SLC35G5: variants seen among roughly 807,000 people sequenced by gnomAD.
SLC35G5 encodes the protein acyl-malonyl condensing enzyme 1-like 2.
A neutral mutation model predicts 17.6 loss-of-function variants in SLC35G5; 14 were observed. That is an observed-to-expected ratio of 0.79 (90% CI 0.52 to 1.24). SLC35G5 has a LOEUF of 1.24. Among genes scored for constraint, SLC35G5 ranks in the 50% most tolerant of loss-of-function variants. The pLI is 0.00. For synonymous variants in SLC35G5, 236 were observed against 194.9 expected, an observed-to-expected ratio of 1.21 and a Z score of -1.76; for missense variants, 541 against 430.3, an observed-to-expected ratio of 1.26 and a Z score of -2.28.
rs560493610 is a variant in SLC35G5 at position 11,332,029 on chromosome 8, C to T, written c.923C>T (p.Ser308Phe). ...ATGCTCCATGAGACTGTGGCACTTT[C>T]TGACATCATGGGGGCAGGGGTTGTG... ...YYMLHETVAL[S>F]DIMGAGVVLG... is the part of the protein sequence containing the mutation. Residue 308 changes from serine (S) to phenylalanine (F), a missense_variant, in exon 1 of 1, where the codon TCT becomes TTT. Transcript: ENST00000382435. 3.1e-6 allele frequency: 5 copies of T among 1,611,758 alleles called. No homozygotes were observed. Among genetic ancestry groups the T allele is most frequent in the Non-Finnish European group, 4.2e-6 (5 of 1,179,824 alleles).
chr8:11,331,644 C>G lies in SLC35G5; in HGVS notation c.538C>G (p.Leu180Val). ...CATTCTGGGACCTGGACTCTGGACA[C>G]TACAGGAGGGGACCACAGGTGTCTA... ...IIILGPGLWT[L>V]QEGTTGVYTT... Residue 180 changes from leucine (L) to valine (V), a missense_variant, in exon 1 of 1, where the codon CTA becomes GTA. Leu to Val is a conservative substitution (Grantham distance 32). Transcript: ENST00000382435. 1.2e-6 allele frequency: 2 copies of G among 1,612,216 alleles called. No individual in the cohort carries two copies. The highest frequency in any genetic ancestry group is 2.0e-4 in the Middle Eastern group (1 of 4,958).
Position 11,331,666 on chromosome 8 carries a change from T to A in SLC35G5, c.560T>A (p.Val187Asp). 1.2e-6 allele frequency: 2 copies of A among 1,612,150 alleles called. No individual in the cohort carries two copies. The highest frequency in any genetic ancestry group is 1.7e-6 in the Non-Finnish European group (2 of 1,179,844). ...LWTLQEGTTG[V>D]YTTLGYVQAF... is the part of the protein sequence containing the mutation. ...ACACTACAGGAGGGGACCACAGGTG[T>A]CTACACCACCCTGGGCTATGTGCAG... Residue 187 changes from valine to aspartate, a missense_variant, in exon 1 of 1, where the codon GTC becomes GAC. Coordinates refer to ENST00000382435, the MANE Select transcript of SLC35G5 (RefSeq NM_054028.2).
chr8:11,331,815 G>C lies in SLC35G5; in HGVS notation c.709G>C (p.Gly237Arg). ...GGTGGGGCTGCTGGGCTGTGTGCCAGGCCTCTTTGTGCTGCAGACCCCCGT... is the reference window on the plus strand; with the variant it reads ...GGTGGGGCTGCTGGGCTGTGTGCCACGCCTCTTTGTGCTGCAGACCCCCGT... ...GLVGLLGCVP[G>R]LFVLQTPVLP... Residue 237 changes from glycine (G) to arginine (R), a missense_variant, in exon 1 of 1, where the codon GGC becomes CGC. Physicochemically the swap from Gly to Arg is moderately radical, Grantham distance 125. Transcript: ENST00000382435. 1 of 1,611,854 alleles carries C rather than the reference G, an allele frequency of 6.2e-7. No individual in the cohort carries two copies. Among genetic ancestry groups the C allele is most frequent in the Non-Finnish European group, 8.5e-7 (1 of 1,179,766 alleles).
rs1274723950 is a variant in SLC35G5 at position 11,331,284 on chromosome 8, A to G, written c.178A>G (p.Met60Val). ...PAGFVGPLSR[M>V]AYQGSNLPSL... is the part of the protein sequence containing the mutation. ...TGGCTTCGTGGGCCCCCTTTCTCGT[A>G]TGGCTTACCAGGGTTCCAACCTGCC... Residue 60 changes from methionine (M) to valine (V), a missense_variant, in exon 1 of 1, where the codon ATG (methionine) becomes GTG (valine). Coordinates refer to ENST00000382435, the MANE Select transcript of SLC35G5 (RefSeq NM_054028.2). 5 of 1,613,758 alleles carry G rather than the reference A, an allele frequency of 3.1e-6. No homozygotes were observed. Among genetic ancestry groups the G allele is most frequent in the Admixed American group, 3.3e-5 (2 of 60,004 alleles).
rs749535771 is a variant in SLC35G5, at chr8:11,331,882, A to G, written c.776A>G (p.Glu259Gly). ...CTGAGTTGGAGTTGTGTGGGGGCAG[A>G]GGGGATCCTCGCCTTGGTCTCCTTC... ...DLLSWSCVGA[E>G]GILALVSFTC... Residue 259 changes from glutamate (E) to glycine (G), a missense_variant, in exon 1 of 1, where the codon GAG becomes GGG. By Grantham distance (98) the Glu-to-Gly change is moderately conservative. Transcript: ENST00000382435. The G allele has an allele frequency of 1.2e-6, 2 of 1,611,818 alleles. No individual in the cohort carries two copies.
Position 11,331,203 on chromosome 8 carries a change from C to G in SLC35G5, c.97C>G (p.Pro33Ala), listed in dbSNP as rs776998704. ...CCTCCGCTGGCACCAGCGCTGCCAG[C>G]CCTCTGGTGCCACCAATGGCCTGCT... The part of the protein sequence containing the change: ...PSLRWHQRCQ[P>A]SGATNGLLVA... Residue 33 changes from proline (P) to alanine (A), a missense_variant, in exon 1 of 1, where the codon CCC (proline) becomes GCC (alanine). Physicochemically the swap from Pro to Ala is conservative, Grantham distance 27. Transcript: ENST00000382435. 9 of 1,613,862 alleles carry G rather than the reference C, an allele frequency of 5.6e-6. No individual in the cohort carries two copies. Among genetic ancestry groups the G allele is most frequent in the Non-Finnish European group, 6.8e-6 (8 of 1,180,012 alleles).
At position 11,331,029 on chromosome 8, in the gene SLC35G5, C is replaced by T; in HGVS notation, c.-78C>T. The T allele has an allele frequency of 1.3e-6, 2 of 1,520,000 alleles. No individual in the cohort carries two copies. The highest frequency in any genetic ancestry group is 1.8e-6 in the Non-Finnish European group (2 of 1,139,070). 94.2% of individuals were successfully genotyped at this position (1,520,000 alleles called of 1,614,324 possible). A position where few individuals can be genotyped will look rare whatever the true frequency, so the allele number is the denominator to read the frequency against. ...CCAGGGAAGAACCCCACCCGCACTC[C>T]AATGAGGTCACAATGGCTGGAGCTC... is the stretch of plus-strand genomic sequence containing the variant. On this transcript the variant is annotated 5_prime_UTR_variant, in exon 1 of 1. Transcript: ENST00000382435.
chr8:11,331,713 C>T lies in SLC35G5; in HGVS notation c.607C>T (p.Leu203=), dbSNP rs1387100982. 5.6e-6 allele frequency: 9 copies of T among 1,611,876 alleles called. No homozygotes were observed. The highest frequency in any genetic ancestry group is 4.4e-5 in the South Asian group (4 of 90,988). Reference sequence around the variant, plus strand: ...GCAGGCTTTCCTGGGAGGCCTGGCGCTGTCCCTGGGGCTTCTGGTCTATCG... The same window carrying T: ...GCAGGCTTTCCTGGGAGGCCTGGCGTTGTCCCTGGGGCTTCTGGTCTATCG... The part of the protein sequence containing the change: ...YVQAFLGGLA[L]SLGLLVYRSL... The change falls in exon 1 of 1, where the codon CTG becomes TTG. Residue 203 remains leucine (L), a synonymous_variant. Transcript: ENST00000382435.
Position 11,331,128 on chromosome 8 carries a change from T to C in SLC35G5, c.22T>C (p.Phe8Leu). Residue 8 changes from phenylalanine (F) to leucine (L), a missense_variant, in exon 1 of 1, where the codon TTC becomes CTC. By Grantham distance (22) the Phe-to-Leu change is conservative. Transcript: ENST00000382435. ...AAAGATGGCTGGCAGTCACCCCTAC[T>C]TCAACCTGCCTGACTCCACACACCC... is the stretch of plus-strand genomic sequence containing the variant. The part of the protein sequence containing the change: MAGSHPY[F>L]NLPDSTHPSP... The C allele has an allele frequency of 6.2e-7, 1 of 1,604,460 alleles. No individual in the cohort carries two copies. Among genetic ancestry groups the C allele is most frequent in the South Asian group, 1.1e-5 (1 of 89,670 alleles).
At position 11,331,366 on chromosome 8, in the gene SLC35G5, T is replaced by A; in HGVS notation, c.260T>A (p.Leu87His). 1 of 1,614,012 alleles carries A rather than the reference T, an allele frequency of 6.2e-7. No individual in the cohort carries two copies. The highest frequency in any genetic ancestry group is 8.5e-7 in the Non-Finnish European group (1 of 1,179,866). The change falls in exon 1 of 1, where the codon CTT becomes CAT. Residue 87 changes from leucine to histidine, a missense_variant. Transcript: ENST00000382435. ...CLFHLPIALL[L>H]KLRGDPLLGP... ...TTCCACCTCCCTATTGCCCTGCTAC[T>A]TAAACTGCGTGGCGACCCCCTTCTG...
Position 11,331,014 on chromosome 8 carries a change from A to G in SLC35G5, c.-93A>G. On this transcript the variant is annotated 5_prime_UTR_variant, in exon 1 of 1. Transcript: ENST00000382435. ...CACCTCAGGAGAGTTCCAGGGAAGA[A>G]CCCCACCCGCACTCCAATGAGGTCA... 2 of 1,501,404 alleles carry G rather than the reference A, an allele frequency of 1.3e-6. No homozygotes were observed. The highest frequency in any genetic ancestry group is 1.8e-6 in the Non-Finnish European group (2 of 1,128,916). 93.0% of individuals were successfully genotyped at this position (1,501,404 alleles called of 1,614,324 possible). A position where few individuals can be genotyped will look rare whatever the true frequency, so the allele number is the denominator to read the frequency against.
chr8:11,331,244 TG>T lies in SLC35G5; in HGVS notation c.143del (p.Gly48AlafsTer120). The T allele has an allele frequency of 6.2e-7, 1 of 1,613,856 alleles. No individual in the cohort carries two copies. The highest frequency in any genetic ancestry group is 8.5e-7 in the Non-Finnish European group (1 of 1,179,926). ...TNGLLVALLG[G>X]GLPAGFVGPL... ...ATGGCCTGCTGGTGGCCCTGCTGGG[TG>T]GGGGCCTGCCTGCTGGCTTCGTGGG... On this transcript the variant is annotated frameshift_variant, in exon 1 of 1. Coordinates refer to ENST00000382435, the MANE Select transcript of SLC35G5 (RefSeq NM_054028.2). LOFTEE classifies it high-confidence loss of function.
At position 11,332,324 on chromosome 8, in the gene SLC35G5, C is replaced by T. The variant is rs927643137; in HGVS notation, c.*201C>T. 12 of 951,170 alleles carry T rather than the reference C, an allele frequency of 1.3e-5. No individual in the cohort carries two copies. In the East Asian group the frequency reaches 3.5e-4, roughly 28 times the overall value. The allele number at this position is 951,170 out of a possible 1,614,324, so 58.9% of individuals were successfully genotyped here. ...CAAAGCATGCAAACAAATGAGAAAT[C>T]TGGCTTATTTACAGGAATAAAATTA... On this transcript the variant is annotated 3_prime_UTR_variant, in exon 1 of 1. Transcript: ENST00000382435.
In SLC35G5 at chr8:11,331,450, T is replaced by A. The variant is rs1364323705; in HGVS notation, c.344T>A (p.Ile115Asn). 6.2e-7 allele frequency: 1 copy of A among 1,613,878 alleles called. No individual in the cohort carries two copies. Among genetic ancestry groups the A allele is most frequent in the Non-Finnish European group, 8.5e-7 (1 of 1,179,866 alleles). The change falls in exon 1 of 1, where the codon ATT becomes AAT. Residue 115 changes from isoleucine (I) to asparagine (N), a missense_variant. Coordinates refer to ENST00000382435, the MANE Select transcript of SLC35G5 (RefSeq NM_054028.2). ...TGTGCCCTGCTCAACGTCCTCAGCA[T>A]TGGATGTGCCTACAGTGCAGTTCAG... ...CFCALLNVLS[I>N]GCAYSAVQVV...
rs755824962 is a variant in SLC35G5 at position 11,331,786 on chromosome 8, G to A, written c.680G>A (p.Gly227Asp). Residue 227 changes from glycine to aspartate, a missense_variant, in exon 1 of 1, where the codon GGC becomes GAC. Transcript: ENST00000382435. The stretch of plus-strand genomic sequence containing the variant: ...CTCCCAACAGTGGCCTTCCTATCTG[G>A]CTTGGTGGGGCTGCTGGGCTGTGTG... ...SCLPTVAFLS[G>D]LVGLLGCVPG... The A allele has an allele frequency of 6.2e-7, 1 of 1,611,674 alleles. No individual in the cohort carries two copies. The highest frequency in any genetic ancestry group is 1.7e-5 in the Admixed American group (1 of 59,984).
rs1801265835 is a variant in SLC35G5, at chr8:11,332,220, T to A, written c.*97T>A. 1 of 1,489,340 alleles carries A rather than the reference T, an allele frequency of 6.7e-7. No individual in the cohort carries two copies. The highest frequency in any genetic ancestry group is 1.4e-5 in the African/African-American group (1 of 69,878). The allele number at this position is 1,489,340 out of a possible 1,614,324, so 92.3% of individuals were successfully genotyped here. ...AATAAAAGAAAAAAAATAATTATAATAAATCCTAGGAAAGAGTGAAAGTCT... is the reference window on the plus strand; with the variant it reads ...AATAAAAGAAAAAAAATAATTATAAAAAATCCTAGGAAAGAGTGAAAGTCT... On this transcript the variant is annotated 3_prime_UTR_variant, in exon 1 of 1. Coordinates refer to ENST00000382435, the MANE Select transcript of SLC35G5 (RefSeq NM_054028.2).
rs1801208098 is a variant in SLC35G5, at chr8:11,331,209, G to C, written c.103G>C (p.Gly35Arg). Reference sequence around the variant, plus strand: ...CTGGCACCAGCGCTGCCAGCCCTCTGGTGCCACCAATGGCCTGCTGGTGGC... The same window carrying C: ...CTGGCACCAGCGCTGCCAGCCCTCTCGTGCCACCAATGGCCTGCTGGTGGC... ...LRWHQRCQPSGATNGLLVALL... is the reference protein window; with the variant it reads ...LRWHQRCQPSRATNGLLVALL... The change falls in exon 1 of 1, where the codon GGT becomes CGT. Residue 35 changes from glycine to arginine, a missense_variant. Physicochemically the swap from Gly to Arg is moderately radical, Grantham distance 125. Transcript: ENST00000382435. The C allele has an allele frequency of 1.2e-6, 2 of 1,613,870 alleles. No individual in the cohort carries two copies. Among genetic ancestry groups the C allele is most frequent in the Non-Finnish European group, 1.7e-6 (2 of 1,180,020 alleles).
At position 11,331,296 on chromosome 8, in the gene SLC35G5, G is replaced by C. The variant is rs1188539557; in HGVS notation, c.190G>C (p.Gly64Arg). Residue 64 changes from glycine (G) to arginine (R), a missense_variant, in exon 1 of 1, where the codon GGT becomes CGT. Coordinates refer to ENST00000382435, the MANE Select transcript of SLC35G5 (RefSeq NM_054028.2). ...CCCCCTTTCTCGTATGGCTTACCAG[G>C]GTTCCAACCTGCCCTCGCTGGAGCT... Reference protein sequence around the residue: ...VGPLSRMAYQGSNLPSLELLI... With the variant: ...VGPLSRMAYQRSNLPSLELLI... The C allele has an allele frequency of 5.0e-6, 8 of 1,614,004 alleles. No homozygotes were observed. The highest frequency in any genetic ancestry group is 6.8e-6 in the Non-Finnish European group (8 of 1,179,886).
Position 11,331,660 on chromosome 8 carries a change from C to G in SLC35G5, c.554C>G (p.Thr185Arg), listed in dbSNP as rs142695788. The change falls in exon 1 of 1, where the codon ACA becomes AGA. Residue 185 changes from threonine to arginine, a missense_variant. Physicochemically the swap from Thr to Arg is moderately conservative, Grantham distance 71 (BLOSUM62 -1). Transcript: ENST00000382435. ...CTCTGGACACTACAGGAGGGGACCA[C>G]AGGTGTCTACACCACCCTGGGCTAT... ...PGLWTLQEGT[T>R]GVYTTLGYVQ... 2.4e-5 allele frequency: 38 copies of G among 1,612,132 alleles called. No individual in the cohort carries two copies. Among genetic ancestry groups the G allele is most frequent in the Non-Finnish European group, 3.1e-5 (36 of 1,179,874 alleles).
Sources: allele counts gnomAD v4.1 joint callset, GRCh38; gene constraint gnomAD v4.1.1; transcripts MANE v1.5; gene names NCBI Gene and HGNC (gene_info 2026-07-23, HGNC 2026-07-21).